Variants in TAS1R1 observed in about 807,000 individuals in gnomAD.
The protein encoded by TAS1R1 is taste 1 receptor member 1, also known as taste receptor type 1 member 1.
A neutral mutation model predicts 45.8 loss-of-function variants in TAS1R1; 31 were observed. The ratio of observed to expected loss-of-function variants is 0.68; its 90% CI spans 0.51 to 0.91. The LOEUF is 0.91. Ranked by LOEUF, TAS1R1 falls within the 40% of genes least tolerant of loss-of-function variation. The pLI is 0.00. For missense variants in TAS1R1, 1,051 were observed against 1,063.9 expected (o/e 0.99, Z 0.17); for synonymous variants, 437 against 448.4 (o/e 0.97, Z 0.32).
At position 6,578,710 on chromosome 1, in the gene TAS1R1, C is replaced by A; in HGVS notation, c.1652C>A (p.Thr551Asn). ...GAGTGGGCACCTGAGGGAAGCCAGA[C>A]CTGCTTCCCGCGCACTGTGGTGTTT... Reference protein sequence around the residue: ...KEEWAPEGSQTCFPRTVVFLA... With the variant: ...KEEWAPEGSQNCFPRTVVFLA... The change falls in exon 6 of 6, where the codon ACC (threonine) becomes AAC (asparagine). Residue 551 changes from threonine (T) to asparagine (N), a missense_variant. Physicochemically the swap from Thr to Asn is moderately conservative, Grantham distance 65. Transcript: ENST00000333172. 2 of 1,609,198 alleles carry A rather than the reference C, an allele frequency of 1.2e-6. No individual in the cohort carries two copies. The highest frequency in any genetic ancestry group is 8.5e-7 in the Non-Finnish European group (1 of 1,176,832).
chr1:6,578,843 T>C lies in TAS1R1; in HGVS notation c.1785T>C (p.Pro595=). The change falls in exon 6 of 6, where the codon CCT becomes CCC. Residue 595 remains proline, a synonymous_variant. Transcript: ENST00000333172. The part of the protein sequence containing the change: ...AGLFAWHLDT[P]VVRSAGGRLC... ...TGTTTGCCTGGCACCTAGACACCCC[T>C]GTGGTGAGGTCAGCAGGGGGCCGCC... 5.0e-6 allele frequency: 8 copies of C among 1,611,864 alleles called. No individual in the cohort carries two copies. Among genetic ancestry groups the C allele is most frequent in the Non-Finnish European group, 6.8e-6 (8 of 1,178,546 alleles).
chr1:6,576,407 T>G lies in TAS1R1; in HGVS notation c.1261-8T>G, dbSNP rs1640173677. 6.2e-7 allele frequency: 1 copy of G among 1,614,170 alleles called. No individual in the cohort carries two copies. The highest frequency in any genetic ancestry group is 1.3e-5 in the African/African-American group (1 of 75,048). ...CTGTGGTGGCTTCATGATACGCGTTTCTTTCAGCTTTTGGAGCAGATCCAC... is the reference window on the plus strand; with the variant it reads ...CTGTGGTGGCTTCATGATACGCGTTGCTTTCAGCTTTTGGAGCAGATCCAC... On this transcript the variant is annotated splice_polypyrimidine_tract_variant and splice_region_variant and intron_variant, in intron 3 of 5. Transcript: ENST00000333172.
In TAS1R1 at chr1:6,574,419, A is replaced by C. The variant is rs1210410929; in HGVS notation, c.499-212A>C. 1.3e-5 allele frequency among the ~76,000 whole-genome samples: 2 copies of C among 152,158 alleles called. No individual in the cohort carries two copies. Among genetic ancestry groups the C allele is most frequent in the African/African-American group, 4.8e-5 (2 of 41,432 alleles). On this transcript the variant is annotated intron_variant, in intron 2 of 5. Coordinates refer to ENST00000333172, the MANE Select transcript of TAS1R1 (RefSeq NM_138697.4). This position sits in a 1 kb window ranked among gnomAD's most constrained non-coding sequence, Gnocchi z 4.3. Reference sequence around the variant, plus strand: ...GCAGGTTTTGTCTCCTTTGCTTGGAATGCATCCCCTCACCCCTTGTCCCCA... The same window carrying C: ...GCAGGTTTTGTCTCCTTTGCTTGGACTGCATCCCCTCACCCCTTGTCCCCA...
chr1:6,579,302 G>T lies in TAS1R1; in HGVS notation c.2244G>T (p.Leu748=). The T allele has an allele frequency of 6.2e-7, 1 of 1,614,188 alleles. No homozygotes were observed. The highest frequency in any genetic ancestry group is 8.5e-7 in the Non-Finnish European group (1 of 1,180,036). ...LSISAFACSY[L]GKDLPENYNE... ...TCAGTGCCTTTGCCTGCAGCTACCT[G>T]GGTAAGGACTTGCCAGAGAACTACA... The change falls in exon 6 of 6, where the codon CTG becomes CTT. Residue 748 remains leucine (L), a synonymous_variant. Coordinates refer to ENST00000333172, the MANE Select transcript of TAS1R1 (RefSeq NM_138697.4).
chr1:6,574,619 G>A lies in TAS1R1; in HGVS notation c.499-12G>A. On this transcript the variant is annotated splice_polypyrimidine_tract_variant and intron_variant, in intron 2 of 5. Coordinates refer to ENST00000333172, the MANE Select transcript of TAS1R1 (RefSeq NM_138697.4). This position sits in a 1 kb window ranked among gnomAD's most constrained non-coding sequence, Gnocchi z 4.3. ...AGTGGAGACTGAAATGGCTGAACGG[G>A]ACCTCCCATAGATTAGCTATGCGGC... The A allele has an allele frequency of 6.3e-7, 1 of 1,583,526 alleles. No homozygotes were observed. The highest frequency in any genetic ancestry group is 8.6e-7 in the Non-Finnish European group (1 of 1,162,768).
chr1:6,565,249 T>G (rs915838062), intron 1 of TAS1R1, among the ~76,000 whole-genome samples: 1 of 151,706 alleles, frequency 6.6e-6, no homozygotes, highest in African/African-American at 2.4e-5. Context: ...AACTCAGGGT[T>G]TTCAAGAAAG....
chr1:6,575,691 C>CT lies in TAS1R1; in HGVS notation c.1260+303dup, dbSNP rs200684783. On this transcript the variant is annotated intron_variant, in intron 3 of 5. Transcript: ENST00000333172. Reference sequence around the variant, plus strand: ...CCACCACCATGCCTGGATAATTTTTCTTTTCTTTTTTTTTTTTTTGAGATA... The same window carrying CT: ...CCACCACCATGCCTGGATAATTTTTCTTTTTCTTTTTTTTTTTTTTGAGATA... 8.2e-3 allele frequency among the ~76,000 whole-genome samples: 692 copies of CT among 83,894 alleles called. 40 individuals carry two copies. The East Asian group carries it at 0.1, about 12-fold the overall frequency. 55.0% of individuals were successfully genotyped at this position (83,894 alleles called of 152,430 possible).
In TAS1R1 at chr1:6,555,472, C is replaced by T. The variant is rs752118639; in HGVS notation, c.99C>T (p.Thr33=). 3 of 1,598,222 alleles carry T rather than the reference C, an allele frequency of 1.9e-6. No individual in the cohort carries two copies. Among genetic ancestry groups the T allele is most frequent in the Admixed American group, 3.5e-5 (2 of 57,882 alleles). The change falls in exon 1 of 6, where the codon ACC becomes ACT. Residue 33 remains threonine, a synonymous_variant. Coordinates refer to ENST00000333172, the MANE Select transcript of TAS1R1 (RefSeq NM_138697.4). The part of the protein sequence containing the change: ...CHSTESSPDF[T]LPGDYLLAGL... ...GCACGGAGTCTTCTCCTGACTTCAC[C>T]CTCCCCGGAGATTACCTCCTGGCAG...
At position 6,574,925 on chromosome 1, in the gene TAS1R1, C is replaced by T. The variant is rs1453696138; in HGVS notation, c.793C>T (p.Gln265Ter). Residue 265 changes from glutamine (Q) to a stop codon, truncating the protein, a stop_gained, in exon 3 of 6, where the codon CAG (glutamine) becomes TAG (stop). Coordinates refer to ENST00000333172, the MANE Select transcript of TAS1R1 (RefSeq NM_138697.4). LOFTEE classifies it high-confidence loss of function. This position sits in a 1 kb window ranked among gnomAD's most constrained non-coding sequence, Gnocchi z 4.3. The part of the protein sequence containing the change: ...RMQCLMRHLA[Q>*]AGATVVVVFS... ...GCAGTGCCTCATGCGCCACCTGGCCCAGGCCGGGGCCACCGTCGTGGTTGT... is the reference window on the plus strand; with the variant it reads ...GCAGTGCCTCATGCGCCACCTGGCCTAGGCCGGGGCCACCGTCGTGGTTGT... The T allele has an allele frequency of 1.2e-6, 2 of 1,613,360 alleles. No individual in the cohort carries two copies.
Position 6,575,206 on chromosome 1 carries a change from C to T in TAS1R1, c.1074C>T (p.Cys358=), listed in dbSNP as rs752633933. Residue 358 remains cysteine (C), a synonymous_variant, in exon 3 of 6, where the codon TGC becomes TGT. Transcript: ENST00000333172. ...APRPCHKGSW[C]SSNQLCRECQ... is the part of the protein sequence containing the mutation. ...GGCCTTGCCACAAGGGCTCCTGGTG[C>T]AGCAGCAATCAGCTCTGCAGAGAAT... 7.4e-6 allele frequency: 12 copies of T among 1,611,762 alleles called. No homozygotes were observed. In the Admixed American group the frequency reaches 1.7e-4, roughly 22 times the overall value.
At chr1:6,562,178 T>C (rs1405287992) in intron 1 of TAS1R1, among the ~76,000 whole-genome samples, 1 of 152,130 alleles carries the variant, frequency 6.6e-6, no homozygotes, top group Non-Finnish European at 1.5e-5. Context: ...GGTTTTTTTG[T>C]TTGTTTTTGA....
At chr1:6,562,943 T>C (rs1639814359) in intron 1 of TAS1R1, among the ~76,000 whole-genome samples, 1 of 152,188 alleles carries the variant, frequency 6.6e-6, no homozygotes, top group African/African-American at 2.4e-5. Context: ...GTTGCAGGGA[T>C]AATTGGAGAG....
At chr1:6,576,115 CTCTCT>C (rs938372086) in intron 3 of TAS1R1, among the ~76,000 whole-genome samples, 1 of 152,256 alleles carries the variant, frequency 6.6e-6, no homozygotes, top group African/African-American at 2.4e-5. Context: ...CAGGCATTAG[CTCTCT>C]TCTCTTAGAC....
intron 1 of TAS1R1, among the ~76,000 whole-genome samples, chr1:6,560,973 G>T (rs1639775578): frequency 1.0e-5 from 1 of 99,128 alleles, no homozygotes; most frequent in Non-Finnish European, 1.8e-5. Flanking sequence ...GACAGAGTCG[G>T]AAGACTCTGT....
At chr1:6,555,950 C>T (rs1048065151) in intron 1 of TAS1R1, among the ~76,000 whole-genome samples, 1 of 141,404 alleles carries the variant, frequency 7.1e-6, no homozygotes, top group Non-Finnish European at 1.5e-5. Context: ...CAGCTCACTG[C>T]AAGCTCCGCC....
At chr1:6,559,317 G>A (rs998740789) in intron 1 of TAS1R1, among the ~76,000 whole-genome samples, 2 of 151,912 alleles carry the variant, frequency 1.3e-5, no homozygotes, top group African/African-American at 4.8e-5. Context: ...GGCATGAGCC[G>A]CCGTGCCTAG....
chr1:6,562,146 G>C (rs777999654), intron 1 of TAS1R1, among the ~76,000 whole-genome samples: 1 of 152,164 alleles, frequency 6.6e-6, no homozygotes, highest in African/African-American at 2.4e-5. Flanking sequence ...AGCAAGTCTA[G>C]ACACACTCCA....
rs1639654357 is a variant in TAS1R1, at chr1:6,555,380, C to T, written c.7C>T (p.Leu3Phe). Residue 3 changes from leucine to phenylalanine, a missense_variant, in exon 1 of 6, where the codon CTC becomes TTC. By Grantham distance (22) the Leu-to-Phe change is conservative. Transcript: ENST00000333172. ML[L>F]CTARLVGLQL... ...GCGCGGGCATCTGGCCAGCATGCTG[C>T]TCTGCACGGCTCGCCTGGTCGGCCT... 6.3e-7 allele frequency: 1 copy of T among 1,598,146 alleles called. No homozygotes were observed. Among genetic ancestry groups the T allele is most frequent in the Admixed American group, 1.7e-5 (1 of 58,900 alleles).
At position 6,571,078 on chromosome 1, in the gene TAS1R1, C is replaced by T; in HGVS notation, c.361C>T (p.Leu121=). ...NVYATLRVLS[L]PGQHHIELQG... Reference sequence around the variant, plus strand: ...GTATGCCACGCTGAGAGTGCTCTCCCTGCCAGGGCAACACCACATAGAGCT... The same window carrying T: ...GTATGCCACGCTGAGAGTGCTCTCCTTGCCAGGGCAACACCACATAGAGCT... The change falls in exon 2 of 6, where the codon CTG becomes TTG. Residue 121 remains leucine, a synonymous_variant. Transcript: ENST00000333172. 1.9e-6 allele frequency: 3 copies of T among 1,614,172 alleles called. No individual in the cohort carries two copies. Among genetic ancestry groups the T allele is most frequent in the Admixed American group, 1.7e-5 (1 of 60,014 alleles).
Sources: allele counts gnomAD v4.1 joint callset (sites outside exome capture counted in the v4.1 genomes callset), GRCh38; gene constraint gnomAD v4.1.1; non-coding constraint Gnocchi (gnomAD v3.1); transcripts MANE v1.5; gene names NCBI Gene and HGNC (gene_info 2026-07-23, HGNC 2026-07-21).